Variants in TMED3 observed in about 807,000 individuals in gnomAD.
TMED3 encodes the protein transmembrane p24 trafficking protein 3.
TMED3 carries 9 observed loss-of-function variants against 15.0 expected under a neutral mutation model. The observed-to-expected ratio is 0.60, with a 90% CI of 0.36 to 1.04. The LOEUF (loss-of-function observed/expected upper bound fraction) is 1.04, where lower values mean the gene tolerates loss of function less well. TMED3 is among the 50% of genes least tolerant of loss of function. The pLI, the probability that TMED3 is intolerant of heterozygous loss-of-function variation, is 0.01. For synonymous variants in TMED3, 117 were observed against 121.4 expected, an observed-to-expected ratio of 0.96 and a Z score of 0.24; for missense variants, 267 against 278.9, an observed-to-expected ratio of 0.96 and a Z score of 0.30.
chr15:79,381,020 G>T (rs1480473724), intron 2 of TMED3, among the ~76,000 whole-genome samples: 1 of 152,116 alleles, frequency 6.6e-6, no homozygotes. Flanking sequence ...GAGAAGATGG[G>T]CAAGGAGACT....
At chr15:79,331,995 G>C (rs1413261875) in intron 2 of TMED3, among the ~76,000 whole-genome samples, 1 of 152,186 alleles carries the variant, frequency 6.6e-6, no homozygotes, top group Non-Finnish European at 1.5e-5. Context: ...GGAGGCTGCT[G>C]TGTGCTATGA....
rs1244731482 is a variant in TMED3, at chr15:79,368,500, G to C, written c.418-42900G>C. The stretch of plus-strand genomic sequence containing the variant: ...TAAGATAGTGTTAGAAAGGACCTAT[G>C]ATAGGACTTGGGCTTGTATTCAGTG... On this transcript the variant is annotated intron_variant, in intron 2 of 2. Coordinates refer to the TMED3 transcript ENST00000424155. Among the ~76,000 whole-genome samples, 3 of 152,280 alleles carry C rather than the reference G, an allele frequency of 2.0e-5. No homozygotes were observed. In the East Asian group the frequency reaches 5.8e-4, roughly 29 times the overall value.
rs112670815 is a variant in TMED3, at chr15:79,322,292, C to T, written c.*78C>T. 2.7e-5 allele frequency: 41 copies of T among 1,540,650 alleles called. No individual in the cohort carries two copies. The East Asian group carries it at 4.5e-4, about 17-fold the overall frequency. On this transcript the variant is annotated 3_prime_UTR_variant, in exon 3 of 3. Transcript: ENST00000299705. ...TAGGTCACAGCCTGCTGGGCTGGGTCGCGTAGCCCAGGGTGGAGGCAGAAC... is the reference window on the plus strand; with the variant it reads ...TAGGTCACAGCCTGCTGGGCTGGGTTGCGTAGCCCAGGGTGGAGGCAGAAC...
At chr15:79,387,619 C>T (rs12914576) in intron 2 of TMED3, among the ~76,000 whole-genome samples, 2 of 149,738 alleles carry the variant, frequency 1.3e-5, no homozygotes, top group East Asian at 3.9e-4. Flanking sequence ...CACACACACA[C>T]ATACACACAC....
At chr15:79,333,713 G>T (rs2058817739) in intron 2 of TMED3, among the ~76,000 whole-genome samples, 1 of 152,156 alleles carries the variant, frequency 6.6e-6, no homozygotes, top group Admixed American at 6.5e-5. Context: ...AAACAGTAAT[G>T]GCTTGGCTAC....
chr15:79,353,575 TACACAC>T (rs55929180), intron 2 of TMED3, among the ~76,000 whole-genome samples: 27 of 135,596 alleles, frequency 2.0e-4, no homozygotes, highest in African/African-American at 6.6e-4. Context: ...GGGTTAAAAA[TACACAC>T]ACACACACAC....
At chr15:79,373,675 C>G (rs944781630) in intron 2 of TMED3, among the ~76,000 whole-genome samples, 1 of 152,112 alleles carries the variant, frequency 6.6e-6, no homozygotes, top group Non-Finnish European at 1.5e-5. Flanking sequence ...TATGAGTGAC[C>G]AAGGCCTGAG....
intron 2 of TMED3, among the ~76,000 whole-genome samples, chr15:79,373,369 T>A (rs1893375195): frequency 6.6e-6 from 1 of 152,248 alleles, no homozygotes; most frequent in Non-Finnish European, 1.5e-5. Flanking sequence ...TGTTCAATTG[T>A]CTTCAACTGC....
chr15:79,341,359 T>A (rs117263681), intron 2 of TMED3, among the ~76,000 whole-genome samples: 1,847 of 151,654 alleles, frequency 0.012, 82 homozygotes, highest in East Asian at 0.11. Context: ...GAAGAGAAGG[T>A]AAGATGGGAA....
chr15:79,314,959 G>A (rs1294023458), intron 2 of TMED3, among the ~76,000 whole-genome samples: 2 of 152,194 alleles, frequency 1.3e-5, no homozygotes, highest in Non-Finnish European at 2.9e-5. Context: ...ACAGGAAGGA[G>A]CTCACCAAAT....
intron 2 of TMED3, among the ~76,000 whole-genome samples, chr15:79,342,770 A>G (rs1361173255): frequency 6.6e-6 from 1 of 152,218 alleles, no homozygotes; most frequent in Non-Finnish European, 1.5e-5. Flanking sequence ...TGTCTGTGTT[A>G]CACTGGGCCC....
At chr15:79,403,220 CAAAAAAAAAAA>C (rs71150908) in intron 2 of TMED3, among the ~76,000 whole-genome samples, 12 of 65,422 alleles carry the variant, frequency 1.8e-4, no homozygotes, top group Admixed American at 6.1e-4. Flanking sequence ...GACTCTGTCT[CAAAAAAAAAAA>C]AAAAAAAAAA....
intron 2 of TMED3, among the ~76,000 whole-genome samples, chr15:79,370,812 G>T (rs896728021): frequency 2.0e-5 from 3 of 152,188 alleles, no homozygotes; most frequent in African/African-American, 7.2e-5. Flanking sequence ...TCTGATGGTT[G>T]TGTGAATGAA....
chr15:79,406,280 T>C (rs764897684), intron 2 of TMED3, among the ~76,000 whole-genome samples: 3 of 152,232 alleles, frequency 2.0e-5, no homozygotes, highest in Non-Finnish European at 4.4e-5. Context: ...TGTGCTTTAA[T>C]AGCCCTTTCT....
At chr15:79,329,329 C>A in intron 2 of TMED3, among the ~76,000 whole-genome samples, 1 of 152,274 alleles carries the variant, frequency 6.6e-6, no homozygotes, top group African/African-American at 2.4e-5. Context: ...TACAAAATAT[C>A]GTTATACCAG....
intron 2 of TMED3, among the ~76,000 whole-genome samples, chr15:79,319,123 A>G (rs1044450332): frequency 6.6e-5 from 10 of 152,158 alleles, no homozygotes; most frequent in Admixed American, 2.6e-4. Context: ...TTCACTTGCT[A>G]TTGCTCCTTG....
chr15:79,331,531 GGCAAAAGAA>G (rs1389855062), intron 2 of TMED3, among the ~76,000 whole-genome samples: 32 of 108,432 alleles, frequency 3.0e-4, no homozygotes, highest in African/African-American at 1.0e-3. Context: ...CAAAAGAACA[GGCAAAAGAA>G]GCAAAAAAAA....
Position 79,322,236 on chromosome 15 carries a change from C to T in TMED3, c.*22C>T, listed in dbSNP as rs1049786756. On this transcript the variant is annotated 3_prime_UTR_variant, in exon 3 of 3. Coordinates refer to ENST00000299705, the MANE Select transcript of TMED3 (RefSeq NM_007364.4). ...CTAGCCCCGGCATCCTGCTCTAGGG[C>T]CCCTCATGCCCCAGGCTGGAGCAGC... is the stretch of plus-strand genomic sequence containing the variant. The T allele has an allele frequency of 2.5e-6, 4 of 1,599,464 alleles. No individual in the cohort carries two copies. The highest frequency in any genetic ancestry group is 1.7e-5 in the Admixed American group (1 of 59,070).
In TMED3 at chr15:79,360,882, C is replaced by T. The variant is rs569090745; in HGVS notation, c.417+46877C>T. 2.4e-4 allele frequency among the ~76,000 whole-genome samples: 36 copies of T among 152,250 alleles called. 1 individual carries two copies. The South Asian group carries it at 4.2e-3, about 18-fold the overall frequency. On this transcript the variant is annotated intron_variant, in intron 2 of 2. Transcript: ENST00000424155. ...TTATATTTTTAGAGACAGAGTCTCA[C>T]GGTGTCACCCAGGCTGGAGTGCACT... is the stretch of plus-strand genomic sequence containing the variant.
Sources: gnomAD v4.1 joint callset for allele counts (sites outside exome capture counted in the v4.1 genomes callset) on GRCh38, gnomAD v4.1.1 for gene constraint, MANE v1.5 for transcripts, NCBI Gene and HGNC (gene_info 2026-07-23, HGNC 2026-07-21) for gene names.